The following SYN3 variants were observed in gnomAD, a reference collection of about 807,000 sequenced individuals.
SYN3 encodes the protein synapsin III.
SYN3 carries 35 observed loss-of-function variants against 65.8 expected under a neutral mutation model. The ratio of observed to expected loss-of-function variants is 0.53; its 90% confidence interval spans 0.41 to 0.70. The LOEUF (loss-of-function observed/expected upper bound fraction) is 0.70, where lower values mean the gene tolerates loss of function less well. Ranked by LOEUF, SYN3 falls within the 30% of genes least tolerant of loss-of-function variation. SYN3 has a pLI of 0.00. For missense variants in SYN3, 680 were observed against 749.0 expected (o/e 0.91, Z 1.08); for synonymous variants, 270 against 292.9 (o/e 0.92, Z 0.80).
intron 4 of SYN3, among the ~76,000 whole-genome samples, chr22:32,917,911 C>T (rs183822157): frequency 7.1e-4 from 108 of 152,350 alleles, no homozygotes; most frequent in Admixed American, 4.2e-3. Context: ...CTGCTTTCTC[C>T]GGCAGTGGCA....
intron 6 of SYN3, among the ~76,000 whole-genome samples, chr22:32,695,217 T>C (rs1283373642): frequency 6.6e-6 from 1 of 152,234 alleles, no homozygotes. Flanking sequence ...TATTTCATTG[T>C]TTTTATTATT....
intron 6 of SYN3, among the ~76,000 whole-genome samples, chr22:32,771,332 T>C (rs752176592): frequency 1.7e-4 from 26 of 152,206 alleles, no homozygotes; most frequent in Non-Finnish European, 2.8e-4. Context: ...TTCTGAAAGT[T>C]GAGTACCGGA....
At chr22:32,518,527 G>A (rs1350346369) in intron 12 of SYN3, 193 bp from the exon 13 acceptor site, 11 of 742,156 alleles carry the variant, frequency 1.5e-5, no homozygotes, top group Admixed American at 8.0e-5. Context: ...AATGGAATAT[G>A]CTGTGGTCAT....
intron 1 of SYN3, among the ~76,000 whole-genome samples, chr22:33,008,769 T>G (rs1471274914): frequency 4.0e-5 from 6 of 151,456 alleles, no homozygotes; most frequent in African/African-American, 1.5e-4. Flanking sequence ...AAAATAATTT[T>G]TTTTAAAAAG....
intron 7 of SYN3, among the ~76,000 whole-genome samples, chr22:32,572,335 CCCTT>C (rs1354676406): frequency 1.3e-4 from 14 of 109,960 alleles, no homozygotes; most frequent in South Asian, 3.6e-4. Flanking sequence ...TTCCGTCCCT[CCCTT>C]CCTTCCTTCC....
rs1040037196 is a variant in SYN3 at position 32,837,379 on chromosome 22, C to T, written c.711+27536G>A. Reference sequence around the variant, plus strand: ...ACTTGCATGGCAGTAAGCAAGTCGGCGCCTCTGACCCCTGAGTGGGCTTGA... The same window carrying T: ...ACTTGCATGGCAGTAAGCAAGTCGGTGCCTCTGACCCCTGAGTGGGCTTGA... On this transcript the variant is annotated intron_variant, in intron 6 of 13. Coordinates refer to ENST00000358763, the MANE Select transcript of SYN3 (RefSeq NM_003490.4). The surrounding 1 kb of genome is among the most constrained non-coding windows in gnomAD (Gnocchi z 4.1). Among the ~76,000 whole-genome samples, 87 of 146,792 alleles carry T rather than the reference C, an allele frequency of 5.9e-4. No individual in the cohort carries two copies. Among genetic ancestry groups the T allele is most frequent in the African/African-American group, 2.1e-3 (81 of 37,852 alleles).
chr22:33,012,074 AC>A (rs2145827523), intron 1 of SYN3, among the ~76,000 whole-genome samples: 1 of 152,092 alleles, frequency 6.6e-6, no homozygotes, highest in East Asian at 1.9e-4. Flanking sequence ...TCTTCTCCTT[AC>A]TTTTGGTTTA....
intron 6 of SYN3, among the ~76,000 whole-genome samples, chr22:32,750,598 G>C (rs966242475): frequency 6.6e-6 from 1 of 151,962 alleles, no homozygotes; most frequent in Non-Finnish European, 1.5e-5. Flanking sequence ...GTGCTAGAAG[G>C]GTGACCTACA....
At chr22:32,750,044 A>G (rs1169909714) in intron 6 of SYN3, among the ~76,000 whole-genome samples, 3 of 152,198 alleles carry the variant, frequency 2.0e-5, no homozygotes, top group Non-Finnish European at 4.4e-5. Context: ...TTACAAATTC[A>G]TTCTGTAAGC....
chr22:32,871,618 A>AT (rs1280906485), intron 4 of SYN3, among the ~76,000 whole-genome samples: 2 of 151,446 alleles, frequency 1.3e-5, no homozygotes, highest in Non-Finnish European at 2.9e-5. Context: ...TTAAATTATT[A>AT]TTTTTTTAGA....
intron 6 of SYN3, among the ~76,000 whole-genome samples, chr22:32,597,459 G>A (rs1049462660): frequency 1.3e-4 from 20 of 152,000 alleles, no homozygotes; most frequent in Non-Finnish European, 2.1e-4. Flanking sequence ...CAGGGGATCC[G>A]CCTGCCTCTG....
At chr22:32,878,776 G>T (rs1268603709) in intron 4 of SYN3, among the ~76,000 whole-genome samples, 1 of 152,110 alleles carries the variant, frequency 6.6e-6, no homozygotes, top group Admixed American at 6.5e-5. Context: ...CTGTAGGAGG[G>T]CACAACCACT....
intron 6 of SYN3, among the ~76,000 whole-genome samples, chr22:32,671,399 C>T (rs1359639471): frequency 6.6e-6 from 1 of 152,000 alleles, no homozygotes; most frequent in Non-Finnish European, 1.5e-5. Flanking sequence ...CGCATCCTCT[C>T]ACACTCATCT....
At chr22:32,614,300 C>T in intron 6 of SYN3, among the ~76,000 whole-genome samples, 1 of 152,134 alleles carries the variant, frequency 6.6e-6, no homozygotes, top group East Asian at 1.9e-4. Context: ...GTATCTGCAG[C>T]CGATGGATGT....
chr22:32,662,955 C>G (rs921622065), intron 6 of SYN3, among the ~76,000 whole-genome samples: 1 of 152,160 alleles, frequency 6.6e-6, no homozygotes, highest in Non-Finnish European at 1.5e-5. Context: ...AAGAGATTCC[C>G]TCATGTTCCT....
At chr22:32,601,774 G>A (rs541125135) in intron 6 of SYN3, among the ~76,000 whole-genome samples, 1 of 152,146 alleles carries the variant, frequency 6.6e-6, no homozygotes, top group African/African-American at 2.4e-5. Context: ...TTCTGGAACC[G>A]GGGAGCGACC....
intron 6 of SYN3, among the ~76,000 whole-genome samples, chr22:32,674,247 G>T (rs1205337830): frequency 1.3e-5 from 2 of 152,172 alleles, no homozygotes; most frequent in Non-Finnish European, 2.9e-5. Context: ...AGCCATTTCT[G>T]CAGCCAGTCT....
At position 33,015,317 on chromosome 22, in the gene SYN3, A is replaced by G. The variant is rs2053445419; in HGVS notation, c.-162-8493T>C. 4 of 685,090 alleles carry G rather than the reference A, an allele frequency of 5.8e-6. No individual in the cohort carries two copies. The South Asian group carries it at 6.7e-5, about 11-fold the overall frequency. The allele number at this position is 685,090 out of a possible 1,614,324, so 42.4% of individuals were successfully genotyped here. ...GGCGTTTGAACAACATTTTCCTTAA[A>G]AACAAAGACGTGAAGAATCCAGAGA... is the stretch of plus-strand genomic sequence containing the variant. On this transcript the variant is annotated intron_variant, in intron 1 of 13. Transcript: ENST00000358763.
intron 1 of SYN3, among the ~76,000 whole-genome samples, chr22:33,052,576 AG>A (rs2054187224): frequency 6.8e-6 from 1 of 148,068 alleles, no homozygotes; most frequent in Non-Finnish European, 1.5e-5. Flanking sequence ...ACCTAGCAGA[AG>A]AGGAACAAAA....
Sources: gnomAD v4.1 joint callset for allele counts (sites outside exome capture counted in the v4.1 genomes callset) on GRCh38, gnomAD v4.1.1 for gene constraint, Gnocchi (gnomAD v3.1) non-coding constraint, MANE v1.5 for transcripts, NCBI Gene and HGNC (gene_info 2026-07-23, HGNC 2026-07-21) for gene names.